ZFHX3: variants seen among roughly 807,000 people sequenced by gnomAD.
ZFHX3 encodes zinc finger homeobox protein 3.
ZFHX3 carries 42 observed loss-of-function variants against 279.1 expected under a neutral mutation model. That is an observed-to-expected ratio of 0.15 (90% CI 0.12 to 0.19). ZFHX3 has a LOEUF of 0.19. Among genes scored for constraint, ZFHX3 ranks in the 10% least tolerant of loss-of-function variants. The probability of loss-of-function intolerance (pLI) is 1.00; values close to 1 mark genes in which losing one functional copy is unlikely to be tolerated. For missense variants in ZFHX3, 4,981 were observed against 4,754.0 expected (o/e 1.05, Z -1.40); for synonymous variants, 2,293 against 1,957.8 (o/e 1.17, Z -4.52).
At chr16:73,129,379 G>GAC (rs59666622) in intron 7 of ZFHX3, among the ~76,000 whole-genome samples, 27,538 of 137,688 alleles carry the variant, frequency 0.2, 3,146 homozygotes, top group Middle Eastern at 0.3. Context: ...CAGAGACTCT[G>GAC]ACACACACAC....
intron 2 of ZFHX3, among the ~76,000 whole-genome samples, chr16:73,637,955 A>C (rs1304627327): frequency 1.3e-5 from 2 of 152,216 alleles, no homozygotes; most frequent in Non-Finnish European, 2.9e-5. Flanking sequence ...AAAGGCTTGA[A>C]AATAAGACAA....
At chr16:73,682,982 G>GA (rs200338142) in intron 1 of ZFHX3, among the ~76,000 whole-genome samples, 4,302 of 28,044 alleles carry the variant, frequency 0.15, 371 homozygotes, top group East Asian at 0.31. Context: ...AAGAAAGAAA[G>GA]AAAGAAAGAA....
In ZFHX3 at chr16:73,762,753, A is replaced by C. The variant is rs368569514; in HGVS notation, c.-1607-82513T>G. ...AGAAAACCAAATACCACATGTTCTC[A>C]CTTATAAGTGGGAGCTGAACAGTGT... On this transcript the variant is annotated intron_variant, in intron 1 of 17. Coordinates refer to the ZFHX3 transcript ENST00000641206. Among the ~76,000 whole-genome samples, 56 of 152,322 alleles carry C rather than the reference A, an allele frequency of 3.7e-4. 1 individual carries two copies. In the South Asian group the frequency reaches 7.7e-3, roughly 21 times the overall value.
At chr16:73,015,099 T>C (rs1004954779) in intron 1 of ZFHX3, 1 of 139,402 alleles carries the variant, frequency 7.2e-6, no homozygotes. Flanking sequence ...CAAGCTGGAG[T>C]GCAGTGGTGC....
chr16:73,750,901 T>C (rs1177611141), intron 1 of ZFHX3, among the ~76,000 whole-genome samples: 3 of 152,148 alleles, frequency 2.0e-5, no homozygotes, highest in African/African-American at 7.2e-5. Context: ...TGAACATAAT[T>C]TGACTAAATA....
chr16:72,911,480 G>A (rs2039314360), intron 3 of ZFHX3, among the ~76,000 whole-genome samples: 1 of 152,030 alleles, frequency 6.6e-6, no homozygotes, highest in Admixed American at 6.6e-5. Flanking sequence ...CCTAATTAGG[G>A]CTTGCTGAAT....
chr16:73,714,628 C>T (rs1042954913), intron 1 of ZFHX3, among the ~76,000 whole-genome samples: 2 of 152,228 alleles, frequency 1.3e-5, no homozygotes, highest in Non-Finnish European at 2.9e-5. Flanking sequence ...AACATTTCAA[C>T]ATGTGTGTTA....
chr16:73,312,864 C>T (rs985702347), intron 4 of ZFHX3, among the ~76,000 whole-genome samples: 7 of 152,182 alleles, frequency 4.6e-5, no homozygotes, highest in South Asian at 2.1e-4. Context: ...TTGTATAATG[C>T]GTACTATGCA....
chr16:73,502,254 T>C (rs1319635493), intron 2 of ZFHX3, among the ~76,000 whole-genome samples: 2 of 152,246 alleles, frequency 1.3e-5, no homozygotes, highest in African/African-American at 4.8e-5. Flanking sequence ...TGGCGACCTG[T>C]GCCAACAAGA....
At chr16:73,257,536 A>C (rs2013693544) in intron 4 of ZFHX3, among the ~76,000 whole-genome samples, 1 of 152,252 alleles carries the variant, frequency 6.6e-6, no homozygotes, top group Admixed American at 6.5e-5. Flanking sequence ...ATGAATGGGA[A>C]GTCAGAGAAG....
At chr16:73,842,454 G>A (rs1241021273) in intron 1 of ZFHX3, among the ~76,000 whole-genome samples, 1 of 152,006 alleles carries the variant, frequency 6.6e-6, no homozygotes, top group Non-Finnish European at 1.5e-5. Context: ...ACATGGCCAG[G>A]ACCTAGAGGC....
At chr16:73,407,630 T>C (rs901937855) in intron 3 of ZFHX3, among the ~76,000 whole-genome samples, 2 of 152,118 alleles carry the variant, frequency 1.3e-5, no homozygotes, top group Non-Finnish European at 2.9e-5. Context: ...AGGCTGGTGT[T>C]AGAACCAGGA....
At chr16:72,812,455 TAAG>T (rs967943528) in intron 5 of ZFHX3, among the ~76,000 whole-genome samples, 1 of 152,138 alleles carries the variant, frequency 6.6e-6, no homozygotes, top group African/African-American at 2.4e-5. Flanking sequence ...TTCAGAAATG[TAAG>T]AAGAGATGTG....
intron 1 of ZFHX3, among the ~76,000 whole-genome samples, chr16:73,766,303 A>G (rs979060645): frequency 6.6e-6 from 1 of 152,176 alleles, no homozygotes; most frequent in Non-Finnish European, 1.5e-5. Flanking sequence ...CAATTTTAAG[A>G]TATTTTAACT....
intron 1 of ZFHX3, among the ~76,000 whole-genome samples, chr16:73,683,831 T>G (rs1022100937): frequency 1.3e-5 from 2 of 152,170 alleles, no homozygotes; most frequent in African/African-American, 4.8e-5. Flanking sequence ...ATCCACAGAA[T>G]AGTATAATAG....
intron 3 of ZFHX3, among the ~76,000 whole-genome samples, chr16:73,396,597 C>T (rs2017133751): frequency 6.6e-6 from 1 of 152,066 alleles, no homozygotes; most frequent in Non-Finnish European, 1.5e-5. Context: ...AAAGGGGAAG[C>T]AAGTACATCT....
intron 6 of ZFHX3, among the ~76,000 whole-genome samples, chr16:73,136,666 A>T (rs1359085552): frequency 7.0e-6 from 1 of 142,592 alleles, no homozygotes; most frequent in Non-Finnish European, 1.5e-5. Context: ...CAGAGGTTGC[A>T]GTGAGCTGAG....
At chr16:73,854,074 G>A (rs1437487486) in intron 1 of ZFHX3, among the ~76,000 whole-genome samples, 1 of 152,196 alleles carries the variant, frequency 6.6e-6, no homozygotes, top group Non-Finnish European at 1.5e-5. Context: ...TGCGAGTAGA[G>A]TCAAAGTACA....
intron 4 of ZFHX3, among the ~76,000 whole-genome samples, chr16:72,857,516 C>G (rs565443624): frequency 4.6e-5 from 7 of 152,182 alleles, no homozygotes; most frequent in African/African-American, 1.4e-4. Flanking sequence ...GAGACTTCAT[C>G]TCTACAAAAA....
Sources: gnomAD v4.1 joint callset for allele counts (sites outside exome capture counted in the v4.1 genomes callset) on GRCh38, gnomAD v4.1.1 for gene constraint, MANE v1.5 for transcripts, NCBI Gene and HGNC (gene_info 2026-07-23, HGNC 2026-07-21) for gene names.